The following TNS3 variants were observed in gnomAD, a reference collection of about 807,000 sequenced individuals.
TNS3 encodes tensin-3.
TNS3 carries 45 observed loss-of-function variants against 140.9 expected under a neutral mutation model. The ratio of observed to expected loss-of-function variants is 0.32; its 90% CI spans 0.25 to 0.41. The LOEUF is 0.41. TNS3 is among the 10% of genes least tolerant of loss of function. The pLI is 1.00. For missense variants in TNS3, 1,716 were observed against 1,906.7 expected, an observed-to-expected ratio of 0.90 and a Z score of 1.86; for synonymous variants, 815 against 788.4, an observed-to-expected ratio of 1.03 and a Z score of -0.56.
At chr7:47,451,008 C>A (rs1308674239) in intron 4 of TNS3, among the ~76,000 whole-genome samples, 1 of 152,248 alleles carries the variant, frequency 6.6e-6, no homozygotes, top group East Asian at 1.9e-4. Flanking sequence ...GTGGCAGGTG[C>A]CTGTAAACCC....
intron 17 of TNS3, among the ~76,000 whole-genome samples, chr7:47,353,443 G>T (rs1346420486): frequency 6.6e-6 from 1 of 152,216 alleles, no homozygotes; most frequent in Non-Finnish European, 1.5e-5. Context: ...CAAAGTGACT[G>T]ATTTATGGTT....
intron 3 of TNS3, among the ~76,000 whole-genome samples, chr7:47,486,904 A>T (rs1797632094): frequency 6.6e-6 from 1 of 152,242 alleles, no homozygotes; most frequent in South Asian, 2.1e-4. Flanking sequence ...TAAAGAGAAT[A>T]AATGTAAATT....
intron 24 of TNS3, 68 bp from the exon 25 acceptor site, chr7:47,293,896 G>A (rs1785857784): frequency 2.8e-6 from 4 of 1,425,344 alleles, no homozygotes; most frequent in Non-Finnish European, 3.0e-6. Context: ...TCAATAGAGA[G>A]AACATAAAAG....
intron 8 of TNS3, among the ~76,000 whole-genome samples, chr7:47,430,944 A>C (rs1220004467): frequency 2.0e-5 from 3 of 152,002 alleles, no homozygotes; most frequent in Non-Finnish European, 4.4e-5. Flanking sequence ...GCTGGTCTCG[A>C]ACTCCTGACC....
intron 27 of TNS3, among the ~76,000 whole-genome samples, chr7:47,287,475 C>CT (rs374489643): frequency 6.0e-4 from 91 of 152,284 alleles, no homozygotes; most frequent in Middle Eastern, 3.4e-3. Context: ...GTCTAGGACT[C>CT]TAAGTGAATT....
At chr7:47,471,554 T>C (rs1310248788) in intron 4 of TNS3, among the ~76,000 whole-genome samples, 1 of 152,244 alleles carries the variant, frequency 6.6e-6, no homozygotes, top group Non-Finnish European at 1.5e-5. Flanking sequence ...GGAAGAGCCC[T>C]GGGGTGACAG....
At chr7:47,391,856 C>A (rs1423163589) in intron 16 of TNS3, among the ~76,000 whole-genome samples, 1 of 152,126 alleles carries the variant, frequency 6.6e-6, no homozygotes, top group South Asian at 2.1e-4. Context: ...GAGACTCAGC[C>A]CAGTCTCACT....
chr7:47,408,391 C>T (rs554437988), intron 13 of TNS3, among the ~76,000 whole-genome samples: 15 of 152,142 alleles, frequency 9.9e-5, no homozygotes, highest in African/African-American at 3.4e-4. Context: ...TCAGACCACA[C>T]GCTTGGGCTG....
At chr7:47,531,650 A>G (rs1406724667) in intron 1 of TNS3, among the ~76,000 whole-genome samples, 1 of 152,264 alleles carries the variant, frequency 6.6e-6, no homozygotes, top group Non-Finnish European at 1.5e-5. Flanking sequence ...AAAAAATAGC[A>G]CAAAGTTCAG....
intron 1 of TNS3, among the ~76,000 whole-genome samples, chr7:47,541,085 A>T (rs991612102): frequency 2.0e-5 from 3 of 152,198 alleles, no homozygotes; most frequent in South Asian, 4.2e-4. Context: ...CCCTAGAAAC[A>T]CAGATAAATG....
chr7:47,432,761 G>A (rs562818946), intron 8 of TNS3, among the ~76,000 whole-genome samples: 2 of 152,312 alleles, frequency 1.3e-5, no homozygotes, highest in South Asian at 2.1e-4. Flanking sequence ...CTCAAACTAC[G>A]TATGGAACTG....
In TNS3 at chr7:47,277,951, T is replaced by C; in HGVS notation, c.*125A>G. On this transcript the variant is annotated 3_prime_UTR_variant, in exon 31 of 31. Coordinates refer to ENST00000311160, the MANE Select transcript of TNS3 (RefSeq NM_022748.12). ...TTTTTGCAGAGCTGGAAGATCCTCT[T>C]TCCCCTCATGGGCCTGGAATGTCAG... is the stretch of plus-strand genomic sequence containing the variant. The C allele has an allele frequency of 9.3e-7, 1 of 1,077,048 alleles. No homozygotes were observed. Among genetic ancestry groups the C allele is most frequent in the Non-Finnish European group, 1.4e-6 (1 of 710,796 alleles). The allele number at this position is 1,077,048 out of a possible 1,614,324, so 66.7% of individuals were successfully genotyped here.
chr7:47,389,321 G>A (rs1792372471), intron 16 of TNS3, among the ~76,000 whole-genome samples: 2 of 152,250 alleles, frequency 1.3e-5, no homozygotes, highest in South Asian at 4.2e-4. Flanking sequence ...TTCCTCCCAG[G>A]AAGCAGAGGA....
intron 13 of TNS3, chr7:47,405,521 A>C (rs910630405): frequency 6.4e-5 from 45 of 702,900 alleles, no homozygotes; most frequent in Non-Finnish European, 9.1e-5. Flanking sequence ...CTTGGAGCTG[A>C]AAATGACTTC....
intron 3 of TNS3, among the ~76,000 whole-genome samples, chr7:47,485,302 C>A (rs771020735): frequency 2.6e-5 from 4 of 152,220 alleles, no homozygotes; most frequent in African/African-American, 9.6e-5. Flanking sequence ...TGGATAAACA[C>A]GAAACAGTGC....
chr7:47,549,221 G>A (rs192665800), intron 1 of TNS3, among the ~76,000 whole-genome samples: 22 of 152,238 alleles, frequency 1.4e-4, no homozygotes, highest in Middle Eastern at 3.4e-3. Context: ...GGCCAGGCGC[G>A]GTGGTTCACA....
chr7:47,392,485 G>A (rs1297934454), intron 16 of TNS3, among the ~76,000 whole-genome samples: 1 of 152,156 alleles, frequency 6.6e-6, no homozygotes, highest in Non-Finnish European at 1.5e-5. Context: ...GCGGCGGGGG[G>A]ATAGAAAAGG....
chr7:47,497,319 T>G (rs142019066), intron 3 of TNS3, among the ~76,000 whole-genome samples: 1 of 152,208 alleles, frequency 6.6e-6, no homozygotes, highest in East Asian at 1.9e-4. Flanking sequence ...AATACAATGA[T>G]GCAGATTAAG....
At chr7:47,487,636 G>C (rs1053266340) in intron 3 of TNS3, among the ~76,000 whole-genome samples, 2 of 152,156 alleles carry the variant, frequency 1.3e-5, no homozygotes, top group African/African-American at 4.8e-5. Flanking sequence ...AAACTGAGTA[G>C]AGACAAACGG....
Sources: gnomAD v4.1 joint callset for allele counts (sites outside exome capture counted in the v4.1 genomes callset) on GRCh38, gnomAD v4.1.1 for gene constraint, MANE v1.5 for transcripts, NCBI Gene and HGNC (gene_info 2026-07-23, HGNC 2026-07-21) for gene names.